The following STIM1 variants were observed in gnomAD, a reference collection of about 807,000 sequenced individuals.
STIM1 encodes the protein stromal interaction molecule 1.
In STIM1, 25 loss-of-function variants were observed where a neutral mutation model predicts 74.7. That is an observed-to-expected ratio of 0.33 (90% CI 0.24 to 0.47). The LOEUF (loss-of-function observed/expected upper bound fraction) is 0.47. Among genes scored for constraint, STIM1 ranks in the 20% least tolerant of loss-of-function variants. The probability of loss-of-function intolerance (pLI) is 1.00; values close to 1 mark genes in which losing one functional copy is unlikely to be tolerated. For synonymous variants in STIM1, 328 were observed against 348.8 expected, an observed-to-expected ratio of 0.94 and a Z score of 0.66; for missense variants, 728 against 920.8, an observed-to-expected ratio of 0.79 and a Z score of 2.71.
At position 4,091,913 on chromosome 11, in the gene STIM1, T is replaced by C; in HGVS notation, c.*115T>C. ...AAGAGTGGGGCATGGGAAGGGCTGG[T>C]CCAGGGGTCTGGGCACTGTACATAC... On this transcript the variant is annotated 3_prime_UTR_variant, in exon 13 of 13. Coordinates refer to ENST00000526596, the MANE Select transcript of STIM1 (RefSeq NM_001382567.1). The C allele has an allele frequency of 7.0e-7, 1 of 1,430,906 alleles. No individual in the cohort carries two copies. The highest frequency in any genetic ancestry group is 9.6e-7 in the Non-Finnish European group (1 of 1,046,376). 88.6% of individuals were successfully genotyped at this position (1,430,906 alleles called of 1,614,324 possible).
At chr11:4,071,893 C>CT (rs1257180996) in intron 6 of STIM1, among the ~76,000 whole-genome samples, 1 of 152,086 alleles carries the variant, frequency 6.6e-6, no homozygotes, top group Admixed American at 6.6e-5. Flanking sequence ...AGGTAGCAGA[C>CT]TTATTGGATT....
chr11:3,965,326 A>C (rs2093329250), intron 1 of STIM1, among the ~76,000 whole-genome samples: 1 of 152,224 alleles, frequency 6.6e-6, no homozygotes, highest in South Asian at 2.1e-4. Flanking sequence ...GATCCTTTCT[A>C]TCATGGCACT....
At chr11:4,050,418 A>G (rs2094230237) in intron 3 of STIM1, among the ~76,000 whole-genome samples, 1 of 152,200 alleles carries the variant, frequency 6.6e-6, no homozygotes, top group Non-Finnish European at 1.5e-5. Context: ...CTGTTATACT[A>G]CATTAGTCTC....
chr11:4,056,699 C>G (rs1029158622), intron 4 of STIM1, among the ~76,000 whole-genome samples: 6 of 152,228 alleles, frequency 3.9e-5, no homozygotes, highest in African/African-American at 1.4e-4. Context: ...CTGCTGCCTG[C>G]AGCCTCTTCT....
intron 2 of STIM1, among the ~76,000 whole-genome samples, chr11:3,975,292 C>T (rs2093436163): frequency 6.6e-6 from 1 of 152,196 alleles, no homozygotes; most frequent in Admixed American, 6.5e-5. Flanking sequence ...AAGTTCCCAA[C>T]ACAAAGAATT....
chr11:3,953,393 C>A (rs11030383), intron 1 of STIM1, among the ~76,000 whole-genome samples: 5,521 of 152,258 alleles, frequency 0.036, 136 homozygotes, highest in Non-Finnish European at 0.053. Flanking sequence ...AGACAAAAAA[C>A]CCCTGATGGA....
At chr11:3,894,018 G>T (rs953939637) in intron 1 of STIM1, among the ~76,000 whole-genome samples, 1 of 152,046 alleles carries the variant, frequency 6.6e-6, no homozygotes, top group African/African-American at 2.4e-5. Flanking sequence ...GAGCTCAAGC[G>T]ATCTGCCCAC....
chr11:3,923,587 C>T (rs576474113), intron 1 of STIM1, among the ~76,000 whole-genome samples: 6 of 144,000 alleles, frequency 4.2e-5, no homozygotes, highest in Non-Finnish European at 6.0e-5. Flanking sequence ...CCAGCCCAGG[C>T]GACAGAGTGA....
chr11:4,007,797 G>A (rs909041072), intron 2 of STIM1, among the ~76,000 whole-genome samples: 1 of 152,174 alleles, frequency 6.6e-6, no homozygotes, highest in African/African-American at 2.4e-5. Flanking sequence ...AGTAATGTGG[G>A]CTGTATAAAT....
chr11:4,083,891 A>C (rs1321043824), intron 10 of STIM1, among the ~76,000 whole-genome samples: 1 of 152,168 alleles, frequency 6.6e-6, no homozygotes, highest in East Asian at 1.9e-4. Context: ...CTTATTGCTA[A>C]AGTAGATGAA....
chr11:3,983,011 A>G (rs1279958284), intron 2 of STIM1, among the ~76,000 whole-genome samples: 1 of 152,114 alleles, frequency 6.6e-6, no homozygotes, highest in Non-Finnish European at 1.5e-5. Flanking sequence ...TGCTCACTGC[A>G]GCCTCCATCT....
chr11:3,908,316 G>A (rs2092501154), intron 1 of STIM1, among the ~76,000 whole-genome samples: 1 of 152,120 alleles, frequency 6.6e-6, no homozygotes, highest in Non-Finnish European at 1.5e-5. Context: ...TTATGAATGG[G>A]GAAAGTTATT....
chr11:4,091,806 G>T lies in STIM1; in HGVS notation c.*8G>T, dbSNP rs1367237475. 3 of 1,601,376 alleles carry T rather than the reference G, an allele frequency of 1.9e-6. No homozygotes were observed. The highest frequency in any genetic ancestry group is 2.5e-6 in the Non-Finnish European group (3 of 1,179,962). Reference sequence around the variant, plus strand: ...AAGCCTCTTAAGAAGTAGGCAGGATGGGGTGGCAGTAAAGGGACAGCTTGT... The same window carrying T: ...AAGCCTCTTAAGAAGTAGGCAGGATTGGGTGGCAGTAAAGGGACAGCTTGT... On this transcript the variant is annotated 3_prime_UTR_variant, in exon 13 of 13. Transcript: ENST00000526596.
At chr11:3,928,450 C>T (rs1435049217) in intron 1 of STIM1, among the ~76,000 whole-genome samples, 1 of 152,144 alleles carries the variant, frequency 6.6e-6, no homozygotes, top group Non-Finnish European at 1.5e-5. Flanking sequence ...TGGTCTTGAA[C>T]TCCTGACCTC....
At chr11:3,925,545 G>A (rs2092777492) in intron 1 of STIM1, among the ~76,000 whole-genome samples, 1 of 152,166 alleles carries the variant, frequency 6.6e-6, no homozygotes, top group South Asian at 2.1e-4. Flanking sequence ...AGACTTCTTA[G>A]CACTGGATTG....
intron 1 of STIM1, among the ~76,000 whole-genome samples, chr11:3,920,164 T>C: frequency 6.6e-6 from 1 of 152,096 alleles, no homozygotes. Flanking sequence ...TCTTGCCATA[T>C]TACCCAGACT....
In STIM1 at chr11:4,018,585, C is replaced by T. The variant is rs556082386; in HGVS notation, c.271-5288C>T. 1.2e-3 allele frequency among the ~76,000 whole-genome samples: 165 copies of T among 141,182 alleles called. 1 individual carries two copies. Among genetic ancestry groups the T allele is most frequent in the African/African-American group, 4.4e-3 (164 of 37,270 alleles). The allele number at this position is 141,182 out of a possible 152,430, so 92.6% of individuals were successfully genotyped here. On this transcript the variant is annotated intron_variant, in intron 2 of 12. Coordinates refer to ENST00000526596, the MANE Select transcript of STIM1 (RefSeq NM_001382567.1). ...GCTTGAAACTGGGAGGTGGAGGTTG[C>T]GGTGAGCCAGGTTTGTGCCCCTGCA...
At chr11:3,919,002 T>C (rs1346154189) in intron 1 of STIM1, among the ~76,000 whole-genome samples, 1 of 152,194 alleles carries the variant, frequency 6.6e-6, no homozygotes, top group South Asian at 2.1e-4. Flanking sequence ...GAGGAGTCTA[T>C]AGAGCATAAT....
chr11:3,895,657 T>C (rs1384144851), intron 1 of STIM1, among the ~76,000 whole-genome samples: 4 of 15,366 alleles, frequency 2.6e-4, no homozygotes, highest in Non-Finnish European at 5.5e-4. Flanking sequence ...TTTCTTTCTT[T>C]CTTTCTTTCT....
Sources: allele counts gnomAD v4.1 joint callset (sites outside exome capture counted in the v4.1 genomes callset), GRCh38; gene constraint gnomAD v4.1.1; transcripts MANE v1.5; gene names NCBI Gene and HGNC (gene_info 2026-07-23, HGNC 2026-07-21).